Variants in RBFOX1 observed in about 807,000 individuals in gnomAD.
RBFOX1 encodes the protein RNA binding fox-1 homolog 1.
Under a neutral mutation model 57.7 loss-of-function variants are expected in RBFOX1, and 8 were observed. That is an observed-to-expected ratio of 0.14 (90% CI 0.08 to 0.25). The LOEUF (loss-of-function observed/expected upper bound fraction) is 0.25. Ranked by LOEUF, RBFOX1 falls within the 10% of genes least tolerant of loss-of-function variation. The pLI is 1.00. For missense variants in RBFOX1, 611 were observed against 548.5 expected (o/e 1.11, Z -1.14); for synonymous variants, 326 against 222.4 (o/e 1.47, Z -4.15).
intron 4 of RBFOX1, among the ~76,000 whole-genome samples, chr16:7,231,690 CT>C (rs2093501403): frequency 6.6e-6 from 1 of 152,144 alleles, no homozygotes; most frequent in Non-Finnish European, 1.5e-5. Context: ...AAAATGTGGT[CT>C]ATCCATACAA....
intron 3 of RBFOX1, among the ~76,000 whole-genome samples, chr16:6,926,616 C>A (rs1300417144): frequency 6.6e-6 from 1 of 152,162 alleles, no homozygotes; most frequent in Non-Finnish European, 1.5e-5. Flanking sequence ...CTGTCTCCTC[C>A]CTTTGTCTTG....
chr16:6,909,691 C>T (rs761311311), intron 3 of RBFOX1, among the ~76,000 whole-genome samples: 4 of 152,158 alleles, frequency 2.6e-5, no homozygotes, highest in South Asian at 2.1e-4. Flanking sequence ...GTGCCTAACA[C>T]GTGGTACATG....
At chr16:6,348,941 C>A (rs979119370) in intron 2 of RBFOX1, among the ~76,000 whole-genome samples, 6 of 152,136 alleles carry the variant, frequency 3.9e-5, no homozygotes, top group Non-Finnish European at 7.3e-5. Flanking sequence ...TAGAGATGGA[C>A]AGAGGCAGAT....
chr16:7,329,445 C>T (rs772185492), intron 4 of RBFOX1, among the ~76,000 whole-genome samples: 1 of 152,218 alleles, frequency 6.6e-6, no homozygotes, highest in Non-Finnish European at 1.5e-5. Flanking sequence ...GACATAGTGT[C>T]GACCTTCTAG....
At chr16:6,810,623 G>C (rs531592051) in intron 3 of RBFOX1, among the ~76,000 whole-genome samples, 22 of 152,094 alleles carry the variant, frequency 1.4e-4, no homozygotes, top group African/African-American at 5.3e-4. Flanking sequence ...CTGGAGACTG[G>C]GTATTTTATA....
At chr16:6,450,847 A>ACG (rs2094600235) in intron 2 of RBFOX1, among the ~76,000 whole-genome samples, 1 of 66,462 alleles carries the variant, frequency 1.5e-5, no homozygotes, top group African/African-American at 5.9e-5. Flanking sequence ...GTGTATATAT[A>ACG]TATATATATA....
intron 4 of RBFOX1, among the ~76,000 whole-genome samples, chr16:7,426,185 C>G (rs767284080): frequency 9.9e-5 from 15 of 152,164 alleles, no homozygotes; most frequent in Non-Finnish European, 2.1e-4. Flanking sequence ...CAAACACAGC[C>G]GAAAAGAGCT....
chr16:6,328,005 G>C (rs748182812), intron 2 of RBFOX1, among the ~76,000 whole-genome samples: 1 of 152,096 alleles, frequency 6.6e-6, no homozygotes, highest in South Asian at 2.1e-4. Flanking sequence ...GTTGTGCATT[G>C]CCAATTTGCA....
chr16:7,565,976 T>C (rs138220385), intron 5 of RBFOX1, among the ~76,000 whole-genome samples: 358 of 152,190 alleles, frequency 2.4e-3, no homozygotes, highest in African/African-American at 8.3e-3. Context: ...AAATCATTAG[T>C]TTCCTGGAAT....
At chr16:5,670,255 C>T (rs1048401441) in intron 3 of RBFOX1, among the ~76,000 whole-genome samples, 5 of 152,072 alleles carry the variant, frequency 3.3e-5, no homozygotes, top group African/African-American at 7.2e-5. Flanking sequence ...ACTCAGATAG[C>T]GATGATGGTT....
intron 1 of RBFOX1, among the ~76,000 whole-genome samples, chr16:5,447,030 C>T (rs1274675485): frequency 6.6e-6 from 1 of 152,092 alleles, no homozygotes; most frequent in Non-Finnish European, 1.5e-5. Flanking sequence ...TATGTAGAAG[C>T]ACCCAATAGA....
intron 1 of RBFOX1, among the ~76,000 whole-genome samples, chr16:6,311,454 A>G (rs1301336305): frequency 6.6e-6 from 1 of 152,168 alleles, no homozygotes; most frequent in African/African-American, 2.4e-5. Context: ...GATGGGAAGC[A>G]AAAGGAGATG....
chr16:5,797,051 T>C (rs756809524), intron 3 of RBFOX1, among the ~76,000 whole-genome samples: 1 of 152,098 alleles, frequency 6.6e-6, no homozygotes, highest in Non-Finnish European at 1.5e-5. Flanking sequence ...ATAAAGAAAA[T>C]TAAATGGAAT....
intron 3 of RBFOX1, among the ~76,000 whole-genome samples, chr16:6,830,654 C>A (rs927510545): frequency 6.6e-6 from 1 of 152,144 alleles, no homozygotes. Flanking sequence ...ACAGCTCTTA[C>A]ACAAAGACTT....
At position 6,449,573 on chromosome 16, in the gene RBFOX1, C is replaced by T. The variant is rs192781292; in HGVS notation, c.-64+132516C>T. ...TCGGAGGATTTATTCCCCTTTTCCA[C>T]TGCACACAGAGCCTTATGATGGGCA... On this transcript the variant is annotated intron_variant, in intron 2 of 15. Transcript: ENST00000550418. 2.2e-4 allele frequency among the ~76,000 whole-genome samples: 34 copies of T among 152,354 alleles called. No individual in the cohort carries two copies. The East Asian group carries it at 6.4e-3, about 29-fold the overall frequency.
At chr16:6,866,392 AAATC>A in intron 3 of RBFOX1, among the ~76,000 whole-genome samples, 1 of 152,138 alleles carries the variant, frequency 6.6e-6, no homozygotes, top group South Asian at 2.1e-4. Flanking sequence ...AGAAGAAAAA[AAATC>A]AAACCTTATC....
intron 14 of RBFOX1, among the ~76,000 whole-genome samples, chr16:7,683,299 C>G (rs1229305044): frequency 6.6e-6 from 1 of 151,238 alleles, no homozygotes; most frequent in Admixed American, 6.6e-5. Flanking sequence ...CTGAGTTTCT[C>G]TTAGTTTATA....
chr16:7,126,881 C>A (rs1296247601), intron 4 of RBFOX1, among the ~76,000 whole-genome samples: 4 of 151,844 alleles, frequency 2.6e-5, no homozygotes, highest in African/African-American at 9.7e-5. Flanking sequence ...TGGTGGCAGG[C>A]ACCTGTAATC....
At chr16:6,599,688 C>T (rs1289515386) in intron 2 of RBFOX1, among the ~76,000 whole-genome samples, 1 of 152,188 alleles carries the variant, frequency 6.6e-6, no homozygotes, top group Non-Finnish European at 1.5e-5. Context: ...AGAACTGCTG[C>T]TGTGGAGCCG....
Sources: allele counts gnomAD v4.1 joint callset (sites outside exome capture counted in the v4.1 genomes callset), GRCh38; gene constraint gnomAD v4.1.1; transcripts MANE v1.5; gene names NCBI Gene and HGNC (gene_info 2026-07-23, HGNC 2026-07-21).